SHOX: variants seen among roughly 807,000 people sequenced by gnomAD.
SHOX encodes SHOX homeobox.
In SHOX, 12 loss-of-function variants were observed where a neutral mutation model predicts 29.6. That is an observed-to-expected ratio of 0.41 (90% CI 0.26 to 0.66). The LOEUF (loss-of-function observed/expected upper bound fraction) is 0.66. Ranked by LOEUF, SHOX falls within the 30% of genes least tolerant of loss-of-function variation. SHOX has a pLI of 0.35. For synonymous variants in SHOX, 214 were observed against 200.6 expected (o/e 1.07, Z -0.57); for missense variants, 499 against 437.7 (o/e 1.14, Z -1.25).
In SHOX at chrX:648,474, C is replaced by G. The variant is rs148371445; in HGVS notation, c.*3838C>G. Among the ~76,000 whole-genome samples the G allele has an allele frequency of 2.0e-4, 31 of 152,226 alleles. No individual in the cohort carries two copies. Among genetic ancestry groups the G allele is most frequent in the Middle Eastern group, 3.4e-3 (1 of 294 alleles). ...ACTCCTGACCTCAGGTTGACCTGCC[C>G]GCTTTGTCCCTCGCAAAGTGCTGGG... On this transcript the variant is annotated 3_prime_UTR_variant, in exon 5 of 5. Coordinates refer to ENST00000686671, the MANE Select transcript of SHOX (RefSeq NM_000451.4).
intron 1 of SHOX, among the ~76,000 whole-genome samples, chrX:624,868 T>C (rs1281987503): frequency 9.1e-5 from 5 of 54,734 alleles, no homozygotes; most frequent in African/African-American, 6.3e-4. Flanking sequence ...TTTCTTTTCT[T>C]TCTTTCTTTC....
At chrX:629,469 CTG>C (rs1272358441), upstream of SHOX, among the ~76,000 whole-genome samples, 2 of 151,764 alleles carry the variant, frequency 1.3e-5, no homozygotes, top group Admixed American at 6.6e-5. Flanking sequence ...CCCTTTCTCT[CTG>C]TCTTTCCTTG....
At position 643,469 on chromosome X, in the gene SHOX, T is replaced by C. The variant is rs1031002587; in HGVS notation, c.634-922T>C. On this transcript the variant is annotated intron_variant, in intron 4 of 4. Transcript: ENST00000686671. ...GTGACCCGGGAGAGCCTTGGGGACC[T>C]GGTGTCCTGGGGAGAGCCTTGGGGA... Among the ~76,000 whole-genome samples, 22 of 139,252 alleles carry C rather than the reference T, an allele frequency of 1.6e-4. 1 individual carries two copies. The highest frequency in any genetic ancestry group is 6.1e-4 in the African/African-American group (22 of 35,956). The allele number at this position is 139,252 out of a possible 152,430, so 91.4% of individuals were successfully genotyped here. A position where few individuals can be genotyped will look rare whatever the true frequency, so the allele number is the denominator to read the frequency against.
At chrX:625,689 C>G (rs55704358) in intron 1 of SHOX, among the ~76,000 whole-genome samples, 3,754 of 118,874 alleles carry the variant, frequency 0.032, 205 homozygotes, top group South Asian at 0.12. Context: ...TTTTTTCTCT[C>G]TTCCTCTGTC....
At chrX:624,882 CTTT>C (rs1163390514) in intron 1 of SHOX, among the ~76,000 whole-genome samples, 2 of 74,760 alleles carry the variant, frequency 2.7e-5, no homozygotes, top group Non-Finnish European at 4.9e-5. Flanking sequence ...TTCTTTCTTT[CTTT>C]CTTTCTTTCT....
chrX:630,334 C>A, upstream of SHOX: 1 of 155,778 alleles, frequency 6.4e-6, no homozygotes, highest in Non-Finnish European at 1.4e-5. Context: ...TCAACCCCGG[C>A]GCGACCCGGG....
Position 651,003 on chromosome X carries a change from G to A in SHOX, c.*6367G>A, listed in dbSNP as rs1436862748. Among the ~76,000 whole-genome samples, 1 of 152,058 alleles carries A rather than the reference G, an allele frequency of 6.6e-6. No individual in the cohort carries two copies. Among genetic ancestry groups the A allele is most frequent in the African/African-American group, 2.4e-5 (1 of 41,404 alleles). ...TATGAAATGTGCTATTTATTGAAAG[G>A]GGATGTGGCTTCACGAGTTCAGCCC... On this transcript the variant is annotated 3_prime_UTR_variant, in exon 5 of 5. Coordinates refer to ENST00000686671, the MANE Select transcript of SHOX (RefSeq NM_000451.4).
In SHOX at chrX:645,994, T is replaced by G. The variant is rs1231351464; in HGVS notation, c.*1358T>G. On this transcript the variant is annotated 3_prime_UTR_variant, in exon 5 of 5. Coordinates refer to ENST00000686671, the MANE Select transcript of SHOX (RefSeq NM_000451.4). ...TCACTGCCACCTCCGCCTCCCGGGT[T>G]CAAGCGATGCTCCTGCCTCAGCCTC... 2.6e-5 allele frequency: 4 copies of G among 152,144 alleles called. No homozygotes were observed. The highest frequency in any genetic ancestry group is 4.4e-5 in the Non-Finnish European group (3 of 68,056). The allele number at this position is 152,144 out of a possible 1,614,324, so 9.4% of individuals were successfully genotyped here.
intron 2 of SHOX, among the ~76,000 whole-genome samples, chrX:636,970 A>ATTT (rs1251736014): frequency 7.3e-6 from 1 of 137,324 alleles, no homozygotes; most frequent in Non-Finnish European, 1.5e-5. Context: ...ATATATATAT[A>ATTT]TTTTGGCTCC....
At chrX:642,602 G>A (rs181103868) in intron 4 of SHOX, among the ~76,000 whole-genome samples, 1 of 152,322 alleles carries the variant, frequency 6.6e-6, no homozygotes, top group African/African-American at 2.4e-5. Context: ...GTGGGGGAAC[G>A]AGCCTACTTC....
chrX:655,568 GTC>G (rs1228178183), downstream of SHOX, among the ~76,000 whole-genome samples: 95 of 87,828 alleles, frequency 1.1e-3, no homozygotes, highest in East Asian at 2.1e-3. Context: ...CTCTCTCTCT[GTC>G]TCTCTCTCTC....
rs1244198910 is a variant in SHOX, at chrX:648,620, T to C, written c.*3984T>C. Among the ~76,000 whole-genome samples the C allele has an allele frequency of 6.6e-6, 1 of 152,212 alleles. No individual in the cohort carries two copies. Among genetic ancestry groups the C allele is most frequent in the African/African-American group, 2.4e-5 (1 of 41,444 alleles). On this transcript the variant is annotated 3_prime_UTR_variant, in exon 5 of 5. Coordinates refer to ENST00000686671, the MANE Select transcript of SHOX (RefSeq NM_000451.4). ...AATATGGAAAGAGGGCCAAGTGTCATCCTCACAAATGGGTCCCCGAAGCAG... is the reference window on the plus strand; with the variant it reads ...AATATGGAAAGAGGGCCAAGTGTCACCCTCACAAATGGGTCCCCGAAGCAG...
intron 1 of SHOX, among the ~76,000 whole-genome samples, chrX:625,359 C>T (rs773536108): frequency 4.6e-5 from 7 of 151,812 alleles, no homozygotes; most frequent in Admixed American, 1.3e-4. Flanking sequence ...TCTTTTGGGA[C>T]GCTTGGCAAA....
rs968203772 is a variant in SHOX, at chrX:650,285, C to T, written c.*5649C>T. Among the ~76,000 whole-genome samples, 2 of 152,176 alleles carry T rather than the reference C, an allele frequency of 1.3e-5. No individual in the cohort carries two copies. The highest frequency in any genetic ancestry group is 2.9e-5 in the Non-Finnish European group (2 of 68,038). The stretch of plus-strand genomic sequence containing the variant: ...TGGTGTCTCCCGTACGGGAAGGAGG[C>T]CTTTGGGCCGCTCCAAAGACGCCCT... On this transcript the variant is annotated 3_prime_UTR_variant, in exon 5 of 5. Transcript: ENST00000686671.
At chrX:654,220 T>C (rs1171602101), downstream of SHOX, among the ~76,000 whole-genome samples, 1 of 152,018 alleles carries the variant, frequency 6.6e-6, no homozygotes, top group East Asian at 1.9e-4. Flanking sequence ...CCAGATCCCT[T>C]GAGCCCAGGA....
downstream of SHOX, among the ~76,000 whole-genome samples, chrX:655,435 T>A (rs1481582575): frequency 6.6e-6 from 1 of 151,262 alleles, no homozygotes; most frequent in Non-Finnish European, 1.5e-5. Context: ...TGAGACCTTT[T>A]CTCTCCAAAA....
At position 650,809 on chromosome X, in the gene SHOX, A is replaced by AAAAAC. The variant is rs2053047707; in HGVS notation, c.*6177_*6178insCAAAA. Among the ~76,000 whole-genome samples, 1 of 148,426 alleles carries AAAAAC rather than the reference A, an allele frequency of 6.7e-6. No individual in the cohort carries two copies. Among genetic ancestry groups the AAAAAC allele is most frequent in the Non-Finnish European group, 1.5e-5 (1 of 67,444 alleles). Reference sequence around the variant, plus strand: ...TTTGACATTAAAAAAAAAAAAAAAAAAAAAAAAAAACTGGTGCCTAATTTA... The same window carrying AAAAAC: ...TTTGACATTAAAAAAAAAAAAAAAAAAAAACAAAAAAAAAACTGGTGCCTAATTTA... On this transcript the variant is annotated 3_prime_UTR_variant, in exon 5 of 5. Coordinates refer to ENST00000686671, the MANE Select transcript of SHOX (RefSeq NM_000451.4).
chrX:631,330 A>G, intron 1 of SHOX, 156 bp downstream of exon 1: 1 of 469,658 alleles, frequency 2.1e-6, no homozygotes, highest in Non-Finnish European at 2.8e-6. Context: ...TAAGAAAGGA[A>G]GGAAGGCAGG....
rs933723669 is a variant in SHOX, at chrX:649,220, G to C, written c.*4584G>C. ...TCCCGGATAATTTTTGTATTTTTTA[G>C]TAGAGACCGGGTTTCGCCATGTTGG... On this transcript the variant is annotated 3_prime_UTR_variant, in exon 5 of 5. Coordinates refer to ENST00000686671, the MANE Select transcript of SHOX (RefSeq NM_000451.4). Among the ~76,000 whole-genome samples, 8 of 151,902 alleles carry C rather than the reference G, an allele frequency of 5.3e-5. No individual in the cohort carries two copies. Among genetic ancestry groups the C allele is most frequent in the African/African-American group, 1.9e-4 (8 of 41,350 alleles).
Sources: allele counts gnomAD v4.1 joint callset (sites outside exome capture counted in the v4.1 genomes callset), GRCh38; gene constraint gnomAD v4.1.1; transcripts MANE v1.5; gene names NCBI Gene and HGNC (gene_info 2026-07-23, HGNC 2026-07-21).